The following LARGE1 variants were observed in gnomAD, a reference collection of about 807,000 sequenced individuals.
LARGE1 encodes LARGE xylosyl- and glucuronyltransferase 1, also known as xylosyl- and glucuronyltransferase LARGE1.
LARGE1 carries 43 observed loss-of-function variants against 87.6 expected under a neutral mutation model. The ratio of observed to expected loss-of-function variants is 0.49; its 90% CI spans 0.38 to 0.63. LARGE1 has a LOEUF of 0.63. LARGE1 is among the 30% of genes least tolerant of loss of function. The probability of loss-of-function intolerance (pLI) is 0.00; values close to 1 mark genes in which losing one functional copy is unlikely to be tolerated. For missense variants in LARGE1, 802 were observed against 1,000.2 expected (o/e 0.80, Z 2.67); for synonymous variants, 434 against 394.6 (o/e 1.10, Z -1.18).
chr22:33,183,341 C>T (rs115594341), intron 11 of LARGE1, among the ~76,000 whole-genome samples: 3,586 of 152,090 alleles, frequency 0.024, 107 homozygotes, highest in African/African-American at 0.077. Context: ...GTGGTAGCAG[C>T]GGTGTGAAGA....
intron 11 of LARGE1, among the ~76,000 whole-genome samples, chr22:33,267,177 G>A (rs2145767269): frequency 6.6e-6 from 1 of 151,796 alleles, no homozygotes; most frequent in Non-Finnish European, 1.5e-5. Context: ...GGAGGCAGAG[G>A]TTGCAGTGAG....
chr22:33,839,749 C>T (rs763347180), intron 1 of LARGE1, among the ~76,000 whole-genome samples: 13 of 152,176 alleles, frequency 8.5e-5, no homozygotes, highest in Non-Finnish European at 1.6e-4. Context: ...TCAAATCACA[C>T]GTTTACATGA....
intron 9 of LARGE1, among the ~76,000 whole-genome samples, chr22:33,353,265 T>TG (rs2146784508): frequency 6.6e-6 from 1 of 152,352 alleles, no homozygotes; most frequent in African/African-American, 2.4e-5. Flanking sequence ...TAAAGTCTTG[T>TG]GAAAGTCGGT....
At chr22:33,570,912 A>G (rs2078180641) in intron 5 of LARGE1, among the ~76,000 whole-genome samples, 1 of 152,120 alleles carries the variant, frequency 6.6e-6, no homozygotes, top group African/African-American at 2.4e-5. Flanking sequence ...AGCACCCTCG[A>G]AGGCAGGCTG....
downstream of LARGE1, among the ~76,000 whole-genome samples, chr22:33,269,064 T>C (rs907702716): frequency 9.2e-5 from 14 of 152,190 alleles, no homozygotes; most frequent in African/African-American, 1.7e-4. Flanking sequence ...CCTTGTATTT[T>C]GGTTATACAA....
chr22:33,392,547 T>A (rs907229031), intron 7 of LARGE1, among the ~76,000 whole-genome samples: 1 of 152,174 alleles, frequency 6.6e-6, no homozygotes, highest in Non-Finnish European at 1.5e-5. Context: ...TAATCACAGT[T>A]ACTTAGGAGG....
At chr22:33,106,564 C>T in the LARGE1 span, among the ~76,000 whole-genome samples, 4 of 151,818 alleles carry the variant, frequency 2.6e-5, no homozygotes, top group Non-Finnish European at 5.9e-5. Flanking sequence ...GGCACGATCT[C>T]GGTTCACTGC....
At chr22:33,130,138 C>T in the LARGE1 span, among the ~76,000 whole-genome samples, 66 of 151,448 alleles carry the variant, frequency 4.4e-4, 1 homozygote, top group African/African-American at 1.5e-3. Flanking sequence ...CACGGTGAAA[C>T]CCCGTCTCTA....
intron 11 of LARGE1, among the ~76,000 whole-genome samples, chr22:33,210,197 C>G (rs562463794): frequency 6.6e-6 from 1 of 152,246 alleles, no homozygotes; most frequent in Admixed American, 6.5e-5. Context: ...CAACCTTGGT[C>G]CTTGACCCAG....
chr22:33,293,049 A>G (rs1932815328), intron 12 of LARGE1, among the ~76,000 whole-genome samples: 3 of 152,056 alleles, frequency 2.0e-5, no homozygotes, highest in Admixed American at 2.0e-4. Context: ...GGGAGGGAGG[A>G]AGACAGAAGC....
intron 2 of LARGE1, among the ~76,000 whole-genome samples, chr22:33,753,655 T>A (rs2084403269): frequency 6.6e-6 from 1 of 152,210 alleles, no homozygotes; most frequent in Non-Finnish European, 1.5e-5. Flanking sequence ...GGTCCAGGCC[T>A]CTTGCCATGA....
chr22:33,311,134 G>A (rs1195651952), intron 11 of LARGE1, among the ~76,000 whole-genome samples: 1 of 152,040 alleles, frequency 6.6e-6, no homozygotes, highest in Non-Finnish European at 1.5e-5. Flanking sequence ...CTAATTTTTT[G>A]TATTTTTAGT....
intron 10 of LARGE1, among the ~76,000 whole-genome samples, chr22:33,321,976 GC>G (rs1370892207): frequency 6.6e-6 from 1 of 152,046 alleles, no homozygotes; most frequent in Non-Finnish European, 1.5e-5. Context: ...GCACCACCAT[GC>G]CCAGCTAATT....
intron 11 of LARGE1, among the ~76,000 whole-genome samples, chr22:33,256,624 T>A (rs1927288535): frequency 6.6e-6 from 1 of 152,222 alleles, no homozygotes; most frequent in Non-Finnish European, 1.5e-5. Context: ...ATTGTTCCAG[T>A]CATGCATGTG....
intron 6 of LARGE1, among the ~76,000 whole-genome samples, chr22:33,467,766 G>T (rs979718091): frequency 6.6e-6 from 1 of 152,202 alleles, no homozygotes; most frequent in Non-Finnish European, 1.5e-5. Flanking sequence ...TAATGCTACA[G>T]GGGTGGAAAG....
At chr22:33,290,428 T>G (rs1932331969) in intron 12 of LARGE1, among the ~76,000 whole-genome samples, 1 of 152,186 alleles carries the variant, frequency 6.6e-6, no homozygotes, top group Non-Finnish European at 1.5e-5. Context: ...TTTCCGTATC[T>G]GTAACATGGA....
At chr22:33,162,890 A>G (rs573159790) in exon 12 of LARGE1, 6 of 152,346 alleles carry the variant, frequency 3.9e-5, no homozygotes, top group African/African-American at 1.4e-4. Flanking sequence ...TTGGACGTGT[A>G]TGCTTACAAA....
At chr22:33,481,406 T>A (rs2148203558) in intron 6 of LARGE1, among the ~76,000 whole-genome samples, 1 of 152,248 alleles carries the variant, frequency 6.6e-6, no homozygotes, top group Non-Finnish European at 1.5e-5. Flanking sequence ...TGGGCCATTA[T>A]TTTTTTAAAT....
chr22:33,921,046 C>A (rs544076142), upstream of LARGE1, among the ~76,000 whole-genome samples: 62 of 150,358 alleles, frequency 4.1e-4, no homozygotes, highest in African/African-American at 1.4e-3. This position sits in a 1 kb window ranked among gnomAD's most constrained non-coding sequence, Gnocchi z 4.1. Context: ...CGGGGGGGAC[C>A]GCGAGCCGGG....
Sources: allele counts gnomAD v4.1 joint callset (sites outside exome capture counted in the v4.1 genomes callset), GRCh38; gene constraint gnomAD v4.1.1; non-coding constraint Gnocchi (gnomAD v3.1); transcripts MANE v1.5; gene names NCBI Gene and HGNC (gene_info 2026-07-23, HGNC 2026-07-21).